Variants in FER1L5 observed in about 807,000 individuals in gnomAD.
FER1L5 encodes the protein fer-1 like family member 5.
In FER1L5, 187 loss-of-function variants were observed where a neutral mutation model predicts 279.9. The ratio of observed to expected loss-of-function variants is 0.67; its 90% CI spans 0.59 to 0.75. The LOEUF (loss-of-function observed/expected upper bound fraction) is 0.75, where lower values mean the gene tolerates loss of function less well. Ranked by LOEUF, FER1L5 falls within the 30% of genes least tolerant of loss-of-function variation. The probability of loss-of-function intolerance (pLI) is 0.00; values close to 1 mark genes in which losing one functional copy is unlikely to be tolerated. For synonymous variants in FER1L5, 921 were observed against 989.7 expected (o/e 0.93, Z 1.30); for missense variants, 2,091 against 2,594.4 (o/e 0.81, Z 4.21).
chr2:96,701,857 C>T, intron 45 of FER1L5, 98 bp from the exon 46 acceptor site: 1 of 1,182,378 alleles, frequency 8.5e-7, no homozygotes, highest in South Asian at 1.4e-5. Flanking sequence ...GGGAACACAA[C>T]CTCAACAGAC....
At chr2:96,651,509 TTC>T (rs2075381251) in intron 6 of FER1L5, among the ~76,000 whole-genome samples, 2 of 142,264 alleles carry the variant, frequency 1.4e-5, no homozygotes. Context: ...TCTGTCTTTC[TTC>T]TCTTTTTTGA....
intron 8 of FER1L5, 161 bp from the exon 9 acceptor site, chr2:96,654,285 C>T: frequency 2.6e-6 from 1 of 391,814 alleles, no homozygotes; most frequent in Middle Eastern, 6.4e-4. Flanking sequence ...CAGGGTTCCT[C>T]TGAGAGTGAA....
intron 7 of FER1L5, 24 bp downstream of exon 7, chr2:96,652,044 G>A: frequency 6.4e-7 from 1 of 1,551,458 alleles, no homozygotes; most frequent in Admixed American, 2.0e-5. Flanking sequence ...GGCACATCAG[G>A]CAAGGAGCCA....
chr2:96,642,893 C>T lies in FER1L5; in HGVS notation c.57C>T (p.Pro19=). ...TTGACCCACCACTAGCCCCACTACC[C>T]AGGCCCTGCATGTCCATCGACTTCA... ...AKIDPPLAPL[P]RPCMSIDFRD... The change falls in exon 1 of 53, where the codon CCC becomes CCT. Residue 19 remains proline, a synonymous_variant. Transcript: ENST00000624922. The T allele has an allele frequency of 6.4e-7, 1 of 1,551,244 alleles. No homozygotes were observed. The highest frequency in any genetic ancestry group is 1.2e-5 in the South Asian group (1 of 83,982).
Position 96,649,635 on chromosome 2 carries a change from C to T in FER1L5, c.352C>T (p.Leu118=). The change falls in exon 5 of 53, where the codon CTA becomes TTA. Residue 118 remains leucine (L), a synonymous_variant. Coordinates refer to ENST00000624922, the MANE Select transcript of FER1L5 (RefSeq NM_001293083.2). ...SMKPTDCTVT[L]QVAHMSNQDI... ...CTTTGTCTTGCAGTGTACTGTCACC[C>T]TACAGGTGGCCCACATGAGCAACCA... The T allele has an allele frequency of 6.4e-7, 1 of 1,551,482 alleles. No homozygotes were observed. Among genetic ancestry groups the T allele is most frequent in the Non-Finnish European group, 8.7e-7 (1 of 1,146,948 alleles).
chr2:96,652,900 C>G (rs1269351904), intron 7 of FER1L5: 1 of 152,424 alleles, frequency 6.6e-6, no homozygotes, highest in Non-Finnish European at 1.5e-5. Context: ...AATCTCCTAC[C>G]ATTCCCCATT....
Position 96,652,087 on chromosome 2 carries a change from G to A in FER1L5, c.633+67G>A, listed in dbSNP as rs149113686. The A allele has an allele frequency of 3.9e-4, 605 of 1,546,456 alleles. 3 individuals are homozygous for A. In the East Asian group the frequency reaches 0.013, roughly 34 times the overall value. ...GCTGGGCATCCCCGGTGGGCAGCCG[G>A]CAAGCTTGCTCCTTGACTAGGGTGT... On this transcript the variant is annotated intron_variant, in intron 7 of 52. Coordinates refer to ENST00000624922, the MANE Select transcript of FER1L5 (RefSeq NM_001293083.2).
chr2:96,668,726 C>G, intron 14 of FER1L5, 25 bp from the exon 15 acceptor site: 3 of 1,551,290 alleles, frequency 1.9e-6, no homozygotes, highest in South Asian at 1.2e-5. Flanking sequence ...GTGTACCCAC[C>G]GCACCTCTCT....
chr2:96,655,680 T>C (rs2075570009), intron 9 of FER1L5, among the ~76,000 whole-genome samples: 1 of 152,186 alleles, frequency 6.6e-6, no homozygotes, highest in Admixed American at 6.5e-5. Flanking sequence ...AGCTAAGTTA[T>C]AGAGGTCAGA....
Position 96,684,324 on chromosome 2 carries a change from CAG to C in FER1L5, c.1670-2_1670-1del. On this transcript the variant is annotated splice_acceptor_variant, in intron 19 of 52. Coordinates refer to ENST00000624922, the MANE Select transcript of FER1L5 (RefSeq NM_001293083.2). LOFTEE classifies it high-confidence loss of function. ...CATCCCTCCATGTGTCTCTGTGTCT[CAG>C]GGAACATCTACCATTATGTGCCCTG... 1 of 1,551,216 alleles carries C rather than the reference CAG, an allele frequency of 6.4e-7. No individual in the cohort carries two copies. The highest frequency in any genetic ancestry group is 8.7e-7 in the Non-Finnish European group (1 of 1,146,628).
At position 96,702,106 on chromosome 2, in the gene FER1L5, C is replaced by T; in HGVS notation, c.5159+63C>T. Reference sequence around the variant, plus strand: ...AGTTCAGAACTCCCCCAGTGCAGGGCACCACTGTCCTCAGGTACTGAGCTG... The same window carrying T: ...AGTTCAGAACTCCCCCAGTGCAGGGTACCACTGTCCTCAGGTACTGAGCTG... On this transcript the variant is annotated intron_variant, in intron 46 of 52. Coordinates refer to ENST00000624922, the MANE Select transcript of FER1L5 (RefSeq NM_001293083.2). This position sits in a 1 kb window ranked among gnomAD's most constrained non-coding sequence, Gnocchi z 4.0. 1 of 1,586,978 alleles carries T rather than the reference C, an allele frequency of 6.3e-7. No individual in the cohort carries two copies. Among genetic ancestry groups the T allele is most frequent in the Non-Finnish European group, 8.6e-7 (1 of 1,158,580 alleles).
chr2:96,651,745 G>A (rs1212837938), intron 6 of FER1L5, 147 bp from the exon 7 acceptor site: 19 of 1,137,272 alleles, frequency 1.7e-5, no homozygotes, highest in Admixed American at 7.3e-5. Context: ...GGGCTCAAGC[G>A]ATTCTCCCAC....
chr2:96,662,739 C>T (rs895832496), intron 13 of FER1L5, among the ~76,000 whole-genome samples: 2 of 152,142 alleles, frequency 1.3e-5, no homozygotes, highest in African/African-American at 2.4e-5. Flanking sequence ...AGAATTTCTA[C>T]CATATTCTAT....
rs2075413876 is a variant in FER1L5 at position 96,652,280 on chromosome 2, G to T, written c.633+260G>T. On this transcript the variant is annotated intron_variant, in intron 7 of 52. Coordinates refer to ENST00000624922, the MANE Select transcript of FER1L5 (RefSeq NM_001293083.2). ...ACAACAGAGCAGATCCTGGTTTACA[G>T]AGGTCTGGGAGTATTGCTATTGGAG... 6.1e-6 allele frequency: 3 copies of T among 488,100 alleles called. No homozygotes were observed. The Admixed American group carries it at 9.8e-5, about 16-fold the overall frequency. The allele number at this position is 488,100 out of a possible 1,614,324, so 30.2% of individuals were successfully genotyped here.
chr2:96,644,174 CAAA>C (rs533711497), intron 1 of FER1L5, among the ~76,000 whole-genome samples: 3 of 88,030 alleles, frequency 3.4e-5, no homozygotes, highest in Admixed American at 1.3e-4. Context: ...GAGGTGCCTT[CAAA>C]AAAAAAAAAA....
chr2:96,690,121 T>C (rs2077085483), intron 26 of FER1L5, among the ~76,000 whole-genome samples: 1 of 152,194 alleles, frequency 6.6e-6, no homozygotes, highest in Non-Finnish European at 1.5e-5. Context: ...CGTGTGGCTA[T>C]TGAGTGCTTA....
At position 96,702,141 on chromosome 2, in the gene FER1L5, G is replaced by GT; in HGVS notation, c.5159+101dup. On this transcript the variant is annotated intron_variant, in intron 46 of 52. Transcript: ENST00000624922. The surrounding 1 kb of genome is among the most constrained non-coding windows in gnomAD (Gnocchi z 4.0). Reference sequence around the variant, plus strand: ...CTCAGGTACTGAGCTGCAGTAATTCGTTTCTCTATTGGGAAGAGAGGAAGC... The same window carrying GT: ...CTCAGGTACTGAGCTGCAGTAATTCGTTTTCTCTATTGGGAAGAGAGGAAGC... The GT allele has an allele frequency of 6.4e-7, 1 of 1,570,428 alleles. No homozygotes were observed. The highest frequency in any genetic ancestry group is 8.7e-7 in the Non-Finnish European group (1 of 1,152,540).
In FER1L5 at chr2:96,660,470, G is replaced by A. The variant is rs187025432; in HGVS notation, c.778+99G>A. 83 of 1,029,272 alleles carry A rather than the reference G, an allele frequency of 8.1e-5. No individual in the cohort carries two copies. In the Admixed American group the frequency reaches 1.1e-3, roughly 14 times the overall value. The allele number at this position is 1,029,272 out of a possible 1,614,324, so 63.8% of individuals were successfully genotyped here. A position where few individuals can be genotyped will look rare whatever the true frequency, so the allele number is the denominator to read the frequency against. ...CCCATATGTCCAACACATGGGTGGAGGGGAGTATTAGAGATTGTAAATTAT... is the reference window on the plus strand; with the variant it reads ...CCCATATGTCCAACACATGGGTGGAAGGGAGTATTAGAGATTGTAAATTAT... On this transcript the variant is annotated intron_variant, in intron 10 of 52. Coordinates refer to ENST00000624922, the MANE Select transcript of FER1L5 (RefSeq NM_001293083.2).
At position 96,704,748 on chromosome 2, in the gene FER1L5, G is replaced by A. The variant is rs1327413557; in HGVS notation, c.*56G>A. The A allele has an allele frequency of 1.1e-5, 15 of 1,359,664 alleles. No homozygotes were observed. The highest frequency in any genetic ancestry group is 1.5e-5 in the Non-Finnish European group (14 of 955,496). The allele number at this position is 1,359,664 out of a possible 1,614,324, so 84.2% of individuals were successfully genotyped here. A position where few individuals can be genotyped will look rare whatever the true frequency, so the allele number is the denominator to read the frequency against. ...TACCAACAGCCCTCCCCTTGGGCTGGCTACCAGTTCTTTGTTTCTATCTTC... is the reference window on the plus strand; with the variant it reads ...TACCAACAGCCCTCCCCTTGGGCTGACTACCAGTTCTTTGTTTCTATCTTC... On this transcript the variant is annotated 3_prime_UTR_variant, in exon 53 of 53. Coordinates refer to ENST00000624922, the MANE Select transcript of FER1L5 (RefSeq NM_001293083.2).
Sources: allele counts gnomAD v4.1 joint callset (sites outside exome capture counted in the v4.1 genomes callset), GRCh38; gene constraint gnomAD v4.1.1; non-coding constraint Gnocchi (gnomAD v3.1); transcripts MANE v1.5; gene names NCBI Gene and HGNC (gene_info 2026-07-23, HGNC 2026-07-21).